GAS6: variants seen among roughly 807,000 people sequenced by gnomAD.
GAS6 encodes the protein growth arrest specific 6.
Under a neutral mutation model 75.8 loss-of-function variants are expected in GAS6, and 41 were observed. The ratio of observed to expected loss-of-function variants is 0.54; its 90% CI spans 0.42 to 0.70. The LOEUF (loss-of-function observed/expected upper bound fraction) is 0.70. Ranked by LOEUF, GAS6 falls within the 30% of genes least tolerant of loss-of-function variation. The pLI, the probability that GAS6 is intolerant of heterozygous loss-of-function variation, is 0.00. For missense variants in GAS6, 854 were observed against 940.2 expected (o/e 0.91, Z 1.20); for synonymous variants, 432 against 412.6 (o/e 1.05, Z -0.57).
At chr13:113,821,678 T>G in intron 14 of GAS6, 1 of 468,366 alleles carries the variant, frequency 2.1e-6, no homozygotes, top group African/African-American at 2.0e-5. Flanking sequence ...GTCTGATGGG[T>G]GTGGACGAAT....
chr13:113,828,245 C>CA (rs1474953366), intron 11 of GAS6, among the ~76,000 whole-genome samples: 1 of 151,744 alleles, frequency 6.6e-6, no homozygotes, highest in Non-Finnish European at 1.5e-5. Context: ...GCCTGGGCAA[C>CA]AGAGCAAGAC....
intron 4 of GAS6, 184 bp from the exon 5 acceptor site, chr13:113,840,034 T>TGGCG (rs2051759719): frequency 2.6e-6 from 2 of 772,802 alleles, no homozygotes; most frequent in Admixed American, 5.7e-5. Context: ...CAGAATAGGC[T>TGGCG]GGCGGGCCCT....
chr13:113,850,051 A>G (rs2051861367), intron 2 of GAS6, among the ~76,000 whole-genome samples: 1 of 152,250 alleles, frequency 6.6e-6, no homozygotes. Context: ...TCCTGAGAAC[A>G]TTCTGGTATA....
intron 2 of GAS6, among the ~76,000 whole-genome samples, chr13:113,859,590 A>C (rs902868864): frequency 2.0e-5 from 3 of 151,758 alleles, no homozygotes; most frequent in Non-Finnish European, 4.4e-5. Context: ...ACGTATGTAC[A>C]TGTCTGTTAG....
Position 113,864,040 on chromosome 13 carries a change from C to T in GAS6, c.-120G>A, listed in dbSNP as rs972159941. On this transcript the variant is annotated 5_prime_UTR_variant, in exon 1 of 15. Transcript: ENST00000327773. ...CCTGAAGGTCACATCGCGGCGGCGGCGGCGGCGGCGGCTGCGGCACCTCAA... is the reference window on the plus strand; with the variant it reads ...CCTGAAGGTCACATCGCGGCGGCGGTGGCGGCGGCGGCTGCGGCACCTCAA... 4 of 970,502 alleles carry T rather than the reference C, an allele frequency of 4.1e-6. No individual in the cohort carries two copies. Among genetic ancestry groups the T allele is most frequent in the African/African-American group, 3.5e-5 (2 of 56,506 alleles). The allele number at this position is 970,502 out of a possible 1,614,324, so 60.1% of individuals were successfully genotyped here. A position where few individuals can be genotyped will look rare whatever the true frequency, so the allele number is the denominator to read the frequency against.
At chr13:113,833,428 C>T (rs2051654637) in intron 8 of GAS6, 1 of 994,046 alleles carries the variant, frequency 1.0e-6, no homozygotes, top group East Asian at 1.1e-4. Flanking sequence ...AGAAGCTGTC[C>T]TGGTGACTCT....
rs9577867 is a variant in GAS6, at chr13:113,830,596, T to C, written c.1143+1703A>G. Among the ~76,000 whole-genome samples the C allele has an allele frequency of 6.0e-3, 232 of 38,672 alleles. 2 individuals carry two copies. The highest frequency in any genetic ancestry group is 0.031 in the Middle Eastern group (2 of 64). 25.4% of individuals were successfully genotyped at this position (38,672 alleles called of 152,430 possible). ...TCCCCTGCAACACCGCTCCCCCAGGTGACCTCGCCTCAGGCCACCTGCCCC... is the reference window on the plus strand; with the variant it reads ...TCCCCTGCAACACCGCTCCCCCAGGCGACCTCGCCTCAGGCCACCTGCCCC... On this transcript the variant is annotated intron_variant, in intron 10 of 14. Coordinates refer to ENST00000327773, the MANE Select transcript of GAS6 (RefSeq NM_000820.4).
Position 113,838,622 on chromosome 13 carries a change from G to A in GAS6, c.467-431C>T, listed in dbSNP as rs1164260691. On this transcript the variant is annotated intron_variant, in intron 5 of 14. Coordinates refer to ENST00000327773, the MANE Select transcript of GAS6 (RefSeq NM_000820.4). ...CAGCCCTGGAGCAGGGAGGGAGCCC[G>A]GGGGTGCACAGCCCAGCCCCGCAGC... is the stretch of plus-strand genomic sequence containing the variant. Among the ~76,000 whole-genome samples, 3 of 91,360 alleles carry A rather than the reference G, an allele frequency of 3.3e-5. 1 individual carries two copies. Among genetic ancestry groups the A allele is most frequent in the Non-Finnish European group, 6.3e-5 (3 of 47,686 alleles). 59.9% of individuals were successfully genotyped at this position (91,360 alleles called of 152,430 possible). A position where few individuals can be genotyped will look rare whatever the true frequency, so the allele number is the denominator to read the frequency against.
At chr13:113,828,472 G>A in intron 11 of GAS6, 75 bp downstream of exon 11, 3 of 1,486,096 alleles carry the variant, frequency 2.0e-6, no homozygotes, top group South Asian at 1.3e-5. Flanking sequence ...GGCAGGGTGT[G>A]ACTGAGGCTT....
chr13:113,826,670 A>G lies in GAS6; in HGVS notation c.1477+326T>C, dbSNP rs1288783903. ...GCCTCCTGGCGCCGGCCTCGCAGGC[A>G]CCTTCTCTCCCCCGCCTCCTGGCGC... On this transcript the variant is annotated intron_variant, in intron 12 of 14. Coordinates refer to ENST00000327773, the MANE Select transcript of GAS6 (RefSeq NM_000820.4). 2.1e-4 allele frequency among the ~76,000 whole-genome samples: 22 copies of G among 105,422 alleles called. 2 individuals carry two copies. Among genetic ancestry groups the G allele is most frequent in the Non-Finnish European group, 2.8e-4 (15 of 53,352 alleles). 69.2% of individuals were successfully genotyped at this position (105,422 alleles called of 152,430 possible).
Position 113,846,873 on chromosome 13 carries a change from A to T in GAS6, c.281-284T>A, listed in dbSNP as rs1372791194. On this transcript the variant is annotated intron_variant, in intron 3 of 14. Transcript: ENST00000327773. ...GGGGGCTCCTCCTGCCATACGGGAGAATCACCGGGAATGCTCAGTAAGTTC... is the reference window on the plus strand; with the variant it reads ...GGGGGCTCCTCCTGCCATACGGGAGTATCACCGGGAATGCTCAGTAAGTTC... 8.0e-6 allele frequency: 4 copies of T among 499,460 alleles called. No individual in the cohort carries two copies. The East Asian group carries it at 1.6e-4, about 20-fold the overall frequency. The allele number at this position is 499,460 out of a possible 1,614,324, so 30.9% of individuals were successfully genotyped here.
chr13:113,822,236 G>T, intron 13 of GAS6, 50 bp from the exon 14 acceptor site: 1 of 1,403,962 alleles, frequency 7.1e-7, no homozygotes, highest in Non-Finnish European at 9.6e-7. Flanking sequence ...CCCTACGTGA[G>T]CTGTTAGGTC....
chr13:113,842,367 A>G, intron 4 of GAS6: 1 of 390,004 alleles, frequency 2.6e-6, no homozygotes, highest in Admixed American at 4.4e-5. Context: ...TCTACTCTGA[A>G]GCACACAGGG....
intron 2 of GAS6, among the ~76,000 whole-genome samples, chr13:113,851,585 C>A (rs1305144672): frequency 7.1e-6 from 1 of 141,466 alleles, no homozygotes; most frequent in African/African-American, 3.1e-5. Context: ...GAATGGGTGA[C>A]TGGATGGATG....
intron 2 of GAS6, among the ~76,000 whole-genome samples, chr13:113,854,370 G>C (rs900231721): frequency 6.6e-6 from 1 of 152,254 alleles, no homozygotes; most frequent in African/African-American, 2.4e-5. Context: ...AGAGGAGCTC[G>C]AGTGGCTTCC....
At chr13:113,842,125 CAATTTCCTCTGTATGCTT>C (rs1320151625) in intron 4 of GAS6, 8 of 134,668 alleles carry the variant, frequency 5.9e-5, no homozygotes, top group African/African-American at 2.7e-4. Context: ...CCATACGCCT[CAATTTCCTCTGTATGCTT>C]CAGTTTCCTC....
chr13:113,862,521 G>C (rs776911892), intron 2 of GAS6, among the ~76,000 whole-genome samples: 197 of 152,224 alleles, frequency 1.3e-3, no homozygotes, highest in Non-Finnish European at 2.5e-3. Context: ...AAGCTAGGCT[G>C]AGCTGAAGGA....
chr13:113,821,571 G>T, intron 14 of GAS6: 1 of 257,514 alleles, frequency 3.9e-6, no homozygotes. Flanking sequence ...GGGAGGGGCT[G>T]GCGGTCACTC....
At position 113,828,615 on chromosome 13, in the gene GAS6, G is replaced by A. The variant is rs1471388854; in HGVS notation, c.1240C>T (p.Arg414Ter). 7 of 1,613,602 alleles carry A rather than the reference G, an allele frequency of 4.3e-6. No homozygotes were observed. The highest frequency in any genetic ancestry group is 1.7e-5 in the Admixed American group (1 of 60,022). ...GTCAGGTTCAGATGATACAGTCCTC[G>A]CTCCGGTTGGAACAAGTCCCCGGCC... ...AVAGDLFQPE[R>*]GLYHLNLTVG... Residue 414 changes from arginine (R) to a stop codon, truncating the protein, a stop_gained, in exon 11 of 15, where the codon CGA (arginine) becomes TGA (stop). Transcript: ENST00000327773. LOFTEE classifies it high-confidence loss of function.
Sources: gnomAD v4.1 joint callset for allele counts (sites outside exome capture counted in the v4.1 genomes callset) on GRCh38, gnomAD v4.1.1 for gene constraint, MANE v1.5 for transcripts, NCBI Gene and HGNC (gene_info 2026-07-23, HGNC 2026-07-21) for gene names.